Variants in TASP1 observed in about 807,000 individuals in gnomAD.
The protein encoded by TASP1 is taspase 1, also known as threonine aspartase 1.
Under a neutral mutation model 56.6 loss-of-function variants are expected in TASP1, and 16 were observed. The observed-to-expected ratio is 0.28, with a 90% CI of 0.19 to 0.43. The LOEUF (loss-of-function observed/expected upper bound fraction) is 0.43. Ranked by LOEUF, TASP1 falls within the 20% of genes least tolerant of loss-of-function variation. TASP1 has a pLI of 1.00. For synonymous variants in TASP1, 179 were observed against 184.2 expected (o/e 0.97, Z 0.23); for missense variants, 393 against 511.6 (o/e 0.77, Z 2.24).
intron 13 of TASP1, among the ~76,000 whole-genome samples, chr20:13,409,340 T>C (rs2042020507): frequency 6.6e-6 from 1 of 152,046 alleles, no homozygotes. Flanking sequence ...GAAAGAAGGA[T>C]GTTAAAGTTT....
the TASP1 span, among the ~76,000 whole-genome samples, chr20:13,225,713 GA>G: frequency 6.6e-6 from 1 of 152,184 alleles, no homozygotes; most frequent in East Asian, 1.9e-4. Context: ...AGTAAGAAAT[GA>G]GAAAACTATC....
intron 11 of TASP1, among the ~76,000 whole-genome samples, chr20:13,450,912 T>A (rs1292959127): frequency 6.6e-6 from 1 of 152,116 alleles, no homozygotes; most frequent in Admixed American, 6.6e-5. Flanking sequence ...TGTCCCCGGT[T>A]CATCAGAAGA....
rs573160610 is a variant in TASP1, at chr20:13,449,545, G to GTAAA, written c.986-14395_986-14392dup. Among the ~76,000 whole-genome samples the GTAAA allele has an allele frequency of 3.9e-5, 6 of 152,180 alleles. No homozygotes were observed. The South Asian group carries it at 1.2e-3, about 32-fold the overall frequency. ...TCTCATTAACTTTGTTTTTAAGTAA[G>GTAAA]TAAATAAATAAATCTATTTTATTGT... On this transcript the variant is annotated intron_variant, in intron 11 of 13. Transcript: ENST00000337743.
chr20:13,176,160 T>C, the TASP1 span, among the ~76,000 whole-genome samples: 1 of 152,040 alleles, frequency 6.6e-6, no homozygotes, highest in East Asian at 1.9e-4. Flanking sequence ...TATAGGAGAG[T>C]TTAACTGTAC....
chr20:13,214,616 T>C, the TASP1 span, among the ~76,000 whole-genome samples: 1 of 71,852 alleles, frequency 1.4e-5, no homozygotes, highest in African/African-American at 5.4e-5. Context: ...GAGAGAGAGA[T>C]TGAGAGAGAA....
At chr20:13,192,178 C>T in the TASP1 span, among the ~76,000 whole-genome samples, 1 of 152,116 alleles carries the variant, frequency 6.6e-6, no homozygotes, top group African/African-American at 2.4e-5. Context: ...CAGATCTGCC[C>T]TGTAAGAAAT....
At chr20:13,410,080 GTCTT>G (rs561382719) in intron 13 of TASP1, among the ~76,000 whole-genome samples, 194 of 152,256 alleles carry the variant, frequency 1.3e-3, no homozygotes, top group African/African-American at 4.5e-3. Flanking sequence ...TGCTAAAGTT[GTCTT>G]TCTGTGCCTG....
At chr20:13,638,554 C>T (rs2049397398) in intron 1 of TASP1, among the ~76,000 whole-genome samples, 1 of 152,212 alleles carries the variant, frequency 6.6e-6, no homozygotes, top group Non-Finnish European at 1.5e-5. Flanking sequence ...TGTCTGCGAA[C>T]CTCGGACTCT....
chr20:13,312,370 C>G, the TASP1 span, among the ~76,000 whole-genome samples: 2 of 152,146 alleles, frequency 1.3e-5, no homozygotes, highest in Admixed American at 6.5e-5. Flanking sequence ...GACATCCTTA[C>G]TCACTCACTC....
At chr20:13,562,933 G>GTT (rs1033819376) in intron 7 of TASP1, among the ~76,000 whole-genome samples, 9 of 146,206 alleles carry the variant, frequency 6.2e-5, no homozygotes, top group African/African-American at 2.2e-4. Context: ...GTGTGTGTGT[G>GTT]TGTGTGTGTG....
At chr20:13,394,177 C>T (rs1377156036) in intron 13 of TASP1, among the ~76,000 whole-genome samples, 6 of 148,816 alleles carry the variant, frequency 4.0e-5, no homozygotes, top group East Asian at 2.0e-4. Flanking sequence ...CCAGCTACTC[C>T]GGAGGCTGAG....
intron 11 of TASP1, among the ~76,000 whole-genome samples, chr20:13,467,426 A>G (rs1447087135): frequency 6.6e-6 from 1 of 152,118 alleles, no homozygotes; most frequent in Non-Finnish European, 1.5e-5. Context: ...CTAAAAAAAA[A>G]AAAAAAGCTA....
the TASP1 span, among the ~76,000 whole-genome samples, chr20:13,311,232 A>AGATAGATAGATAGATAGAT: frequency 1.7e-5 from 2 of 115,488 alleles, no homozygotes; most frequent in African/African-American, 6.7e-5. Flanking sequence ...ATAGATAGAT[A>AGATAGATAGATAGATAGAT]GATAGATAGA....
At chr20:13,235,631 T>G in the TASP1 span, among the ~76,000 whole-genome samples, 2 of 152,208 alleles carry the variant, frequency 1.3e-5, no homozygotes, top group African/African-American at 4.8e-5. Context: ...TGGCAGCACA[T>G]GATTCGGCCC....
the TASP1 span, among the ~76,000 whole-genome samples, chr20:13,135,211 T>C: frequency 6.6e-6 from 1 of 152,328 alleles, no homozygotes; most frequent in East Asian, 1.9e-4. Context: ...CTTCAATGGG[T>C]AGGATCAATT....
rs549655134 is a variant in TASP1 at position 13,598,169 on chromosome 20, T to C, written c.283-10799A>G. Among the ~76,000 whole-genome samples, 8 of 152,248 alleles carry C rather than the reference T, an allele frequency of 5.3e-5. No individual in the cohort carries two copies. The East Asian group carries it at 1.3e-3, about 26-fold the overall frequency. On this transcript the variant is annotated intron_variant, in intron 4 of 13. Coordinates refer to ENST00000337743, the MANE Select transcript of TASP1 (RefSeq NM_017714.3). The stretch of plus-strand genomic sequence containing the variant: ...GCTACCAATGACTTTCTTTACAGAA[T>C]TGGAAAAACTACTTTAAAGTTCATA...
the TASP1 span, among the ~76,000 whole-genome samples, chr20:13,134,222 C>A: frequency 6.6e-6 from 1 of 152,146 alleles, no homozygotes. Flanking sequence ...TCAGTTATGT[C>A]GTGATGCAGA....
chr20:13,373,399 T>C, the TASP1 span, among the ~76,000 whole-genome samples: 1 of 151,962 alleles, frequency 6.6e-6, no homozygotes, highest in Non-Finnish European at 1.5e-5. Flanking sequence ...GCTTTCAGCC[T>C]AAAAATTTCC....
the TASP1 span, among the ~76,000 whole-genome samples, chr20:13,300,873 C>T: frequency 2.0e-5 from 3 of 152,176 alleles, no homozygotes; most frequent in Non-Finnish European, 2.9e-5. Context: ...ACTTTTTGCC[C>T]GCCCAGACCT....
Sources: gnomAD v4.1 joint callset for allele counts (sites outside exome capture counted in the v4.1 genomes callset) on GRCh38, gnomAD v4.1.1 for gene constraint, MANE v1.5 for transcripts, NCBI Gene and HGNC (gene_info 2026-07-23, HGNC 2026-07-21) for gene names.